NSRP1: variants seen among roughly 807,000 people sequenced by gnomAD.
NSRP1 encodes coiled-coil domain containing 55.
NSRP1 carries 24 observed loss-of-function variants against 54.7 expected under a neutral mutation model. The ratio of observed to expected loss-of-function variants is 0.44; its 90% CI spans 0.32 to 0.62. The LOEUF (loss-of-function observed/expected upper bound fraction) is 0.62. Ranked by LOEUF, NSRP1 falls within the 20% of genes least tolerant of loss-of-function variation. The pLI, the probability that NSRP1 is intolerant of heterozygous loss-of-function variation, is 0.06. For synonymous variants in NSRP1, 210 were observed against 213.8 expected, an observed-to-expected ratio of 0.98 and a Z score of 0.15; for missense variants, 596 against 651.2, an observed-to-expected ratio of 0.92 and a Z score of 0.92.
chr17:30,119,055 G>A (rs2071573035), intron 2 of NSRP1, among the ~76,000 whole-genome samples: 2 of 150,646 alleles, frequency 1.3e-5, no homozygotes, highest in Non-Finnish European at 3.0e-5. Flanking sequence ...GTAAATATGT[G>A]CTTTTCCAAT....
chr17:30,132,436 C>G (rs1231940604), intron 2 of NSRP1, among the ~76,000 whole-genome samples: 1 of 151,996 alleles, frequency 6.6e-6, no homozygotes, highest in East Asian at 1.9e-4. Flanking sequence ...CGCCTGTAAT[C>G]CCAGCTACTC....
At chr17:30,167,582 C>T (rs1379683994) in intron 2 of NSRP1, among the ~76,000 whole-genome samples, 2 of 151,862 alleles carry the variant, frequency 1.3e-5, no homozygotes, top group African/African-American at 4.8e-5. Flanking sequence ...GCACTCCAGT[C>T]TGGGCAACAG....
chr17:30,185,830 G>C lies in NSRP1; in HGVS notation c.*156G>C, dbSNP rs1905516112. 5.7e-6 allele frequency: 4 copies of C among 697,886 alleles called. No individual in the cohort carries two copies. In the South Asian group the frequency reaches 7.7e-5, roughly 13 times the overall value. 43.2% of individuals were successfully genotyped at this position (697,886 alleles called of 1,614,324 possible). On this transcript the variant is annotated 3_prime_UTR_variant, in exon 7 of 7. Coordinates refer to ENST00000247026, the MANE Select transcript of NSRP1 (RefSeq NM_032141.4). ...AGTTAAAAGTCAGTCTTACAGCTTG[G>C]ATGTTTGGATGTGGATGTTTGGCTG...
intron 2 of NSRP1, among the ~76,000 whole-genome samples, chr17:30,120,593 A>G (rs1225342069): frequency 6.6e-6 from 1 of 152,178 alleles, no homozygotes; most frequent in African/African-American, 2.4e-5. Context: ...CTAGTGGGGA[A>G]GACAGACATG....
chr17:30,125,871 G>A (rs1228313616), intron 2 of NSRP1: 1 of 152,080 alleles, frequency 6.6e-6, no homozygotes, highest in East Asian at 1.9e-4. Flanking sequence ...TTTTCAAATT[G>A]TCAGAATAAG....
At chr17:30,132,940 ATGTAT>A (rs1406639654) in intron 2 of NSRP1, among the ~76,000 whole-genome samples, 1 of 152,042 alleles carries the variant, frequency 6.6e-6, no homozygotes, top group East Asian at 1.9e-4. Flanking sequence ...AGTTTATGAA[ATGTAT>A]TTTTGTTTTT....
intron 6 of NSRP1, among the ~76,000 whole-genome samples, chr17:30,183,164 G>A (rs954376496): frequency 7.3e-5 from 11 of 151,492 alleles, no homozygotes. Flanking sequence ...TATAGGAATG[G>A]TGAGATGATT....
intron 2 of NSRP1, among the ~76,000 whole-genome samples, chr17:30,134,797 G>GT (rs1238565781): frequency 1.3e-5 from 2 of 152,180 alleles, no homozygotes; most frequent in African/African-American, 4.8e-5. Context: ...AAAAGGGTTA[G>GT]TAGGGGACTG....
chr17:30,171,961 CACACACACA>C (rs1904949330), intron 2 of NSRP1, among the ~76,000 whole-genome samples: 1 of 136,246 alleles, frequency 7.3e-6, no homozygotes, highest in African/African-American at 2.8e-5. Context: ...CACACACACA[CACACACACA>C]CACTCCCTCT....
At chr17:30,147,496 G>A (rs547296876) in intron 2 of NSRP1, among the ~76,000 whole-genome samples, 14 of 150,976 alleles carry the variant, frequency 9.3e-5, no homozygotes, top group Admixed American at 4.0e-4. Flanking sequence ...ATGGAGTCTC[G>A]CTCTGTTGCC....
At chr17:30,184,512 T>G in intron 6 of NSRP1, 103 bp from the exon 7 acceptor site, 1 of 1,392,804 alleles carries the variant, frequency 7.2e-7, no homozygotes, top group Non-Finnish European at 9.5e-7. Context: ...ACTATAGGTG[T>G]ATTGATTTGA....
intron 1 of NSRP1, 98 bp downstream of exon 1, chr17:30,116,961 C>CTG: frequency 7.1e-7 from 1 of 1,415,138 alleles, no homozygotes; most frequent in Non-Finnish European, 9.8e-7. Context: ...AGTGAAGGGA[C>CTG]TGTGTCGTCA....
intron 2 of NSRP1, among the ~76,000 whole-genome samples, chr17:30,153,372 A>G (rs560841059): frequency 1.3e-5 from 2 of 152,024 alleles, no homozygotes; most frequent in East Asian, 3.9e-4. Flanking sequence ...AAATGTACAC[A>G]TTTCATTGTG....
intron 2 of NSRP1, among the ~76,000 whole-genome samples, chr17:30,135,566 C>T (rs556125124): frequency 9.9e-5 from 15 of 151,490 alleles, no homozygotes; most frequent in African/African-American, 2.7e-4. Context: ...CTTCACCTCC[C>T]GGGTTCACGC....
At chr17:30,154,693 C>T (rs2071945033) in intron 2 of NSRP1, 3 of 147,552 alleles carry the variant, frequency 2.0e-5, no homozygotes. Flanking sequence ...GCCTGGGCAA[C>T]AGAGTGAGAC....
intron 2 of NSRP1, among the ~76,000 whole-genome samples, chr17:30,124,323 G>A (rs910128480): frequency 6.6e-6 from 1 of 152,172 alleles, no homozygotes. Flanking sequence ...GAGAAGGATG[G>A]GTTTACACAA....
At chr17:30,125,356 C>T (rs2151876510) in intron 2 of NSRP1, among the ~76,000 whole-genome samples, 1 of 152,216 alleles carries the variant, frequency 6.6e-6, no homozygotes, top group African/African-American at 2.4e-5. Context: ...TTTGATACAC[C>T]TGGAAAGGAG....
intron 2 of NSRP1, among the ~76,000 whole-genome samples, chr17:30,145,733 A>G (rs2071848500): frequency 6.6e-6 from 1 of 152,162 alleles, no homozygotes; most frequent in Non-Finnish European, 1.5e-5. Context: ...ACCATCCACA[A>G]ATAGTGGATA....
chr17:30,127,960 A>G, intron 2 of NSRP1: 1 of 397,602 alleles, frequency 2.5e-6, no homozygotes, highest in Non-Finnish European at 4.4e-6. Flanking sequence ...TCAGCCTCCC[A>G]AGTAGCTGGG....
Sources: allele counts gnomAD v4.1 joint callset (sites outside exome capture counted in the v4.1 genomes callset), GRCh38; gene constraint gnomAD v4.1.1; transcripts MANE v1.5; gene names NCBI Gene and HGNC (gene_info 2026-07-23, HGNC 2026-07-21).